The following EYA1 variants were observed in gnomAD, a reference collection of about 807,000 sequenced individuals.
The protein encoded by EYA1 is EYA transcriptional coactivator and phosphatase 1, also known as protein phosphatase EYA1.
In EYA1, 16 loss-of-function variants were observed where a neutral mutation model predicts 82.0. The observed-to-expected ratio is 0.20, with a 90% CI of 0.13 to 0.30. The LOEUF (loss-of-function observed/expected upper bound fraction) is 0.30. EYA1 is among the 10% of genes least tolerant of loss of function. The probability of loss-of-function intolerance (pLI) is 1.00; values close to 1 mark genes in which losing one functional copy is unlikely to be tolerated. For missense variants in EYA1, 633 were observed against 730.7 expected, an observed-to-expected ratio of 0.87 and a Z score of 1.54; for synonymous variants, 261 against 264.4, an observed-to-expected ratio of 0.99 and a Z score of 0.12.
chr8:71,326,015 T>A (rs1823105921), intron 4 of EYA1, among the ~76,000 whole-genome samples: 1 of 152,156 alleles, frequency 6.6e-6, no homozygotes, highest in South Asian at 2.1e-4. Context: ...AATTAAATGG[T>A]CCTTTTACCC....
chr8:71,337,251 A>G (rs1254120448), intron 3 of EYA1, among the ~76,000 whole-genome samples: 3 of 152,156 alleles, frequency 2.0e-5, no homozygotes, highest in African/African-American at 7.2e-5. Context: ...AATAACTAGG[A>G]TTAGTTTATC....
intron 11 of EYA1, among the ~76,000 whole-genome samples, chr8:71,260,715 T>C (rs1814992944): frequency 6.6e-6 from 1 of 152,204 alleles, no homozygotes; most frequent in Admixed American, 6.5e-5. Flanking sequence ...TAATCCTACA[T>C]GGGCAGCTAA....
intron 2 of EYA1, among the ~76,000 whole-genome samples, chr8:71,443,253 T>G (rs188512550): frequency 3.9e-5 from 6 of 152,288 alleles, no homozygotes; most frequent in African/African-American, 1.4e-4. Context: ...AAAAAATCTA[T>G]GGCAGAGACA....
At chr8:71,433,766 G>A (rs998782966) in intron 2 of EYA1, among the ~76,000 whole-genome samples, 7 of 152,184 alleles carry the variant, frequency 4.6e-5, no homozygotes, top group Admixed American at 2.0e-4. Context: ...TGCTGAGGTC[G>A]CAGGGGCCAG....
intron 2 of EYA1, among the ~76,000 whole-genome samples, chr8:71,443,077 G>GA (rs1206857498): frequency 6.6e-6 from 1 of 152,038 alleles, no homozygotes; most frequent in African/African-American, 2.4e-5. Flanking sequence ...AACACACAGA[G>GA]AAAAAACAAC....
At chr8:71,267,283 C>T (rs1235484132) in intron 11 of EYA1, among the ~76,000 whole-genome samples, 2 of 152,182 alleles carry the variant, frequency 1.3e-5, no homozygotes, top group Non-Finnish European at 2.9e-5. Context: ...TCACTGGCCT[C>T]TGTCCATCAA....
intron 2 of EYA1, among the ~76,000 whole-genome samples, chr8:71,518,871 T>C (rs185164641): frequency 6.6e-6 from 1 of 152,276 alleles, no homozygotes; most frequent in East Asian, 1.9e-4. Flanking sequence ...AAACCTAAGT[T>C]CATAAAATCA....
chr8:71,460,411 G>A (rs1808274726), intron 2 of EYA1, among the ~76,000 whole-genome samples: 7 of 152,200 alleles, frequency 4.6e-5, no homozygotes, highest in Admixed American at 4.6e-4. Context: ...CTATAAAGGA[G>A]AAGAGAGCAC....
In EYA1 at chr8:71,477,187, T is replaced by A. The variant is rs76618592; in HGVS notation, c.33+58557A>T. On this transcript the variant is annotated intron_variant, in intron 2 of 18. Transcript: ENST00000643681. ...CAGCCAAAGATTTCTTTAGATACAA[T>A]ACCAAAAATACAAGCAATAACAGAA... Among the ~76,000 whole-genome samples, 1,401 of 152,080 alleles carry A rather than the reference T, an allele frequency of 9.2e-3. 27 individuals carry two copies. The highest frequency in any genetic ancestry group is 0.032 in the African/African-American group (1,335 of 41,514).
intron 2 of EYA1, among the ~76,000 whole-genome samples, chr8:71,460,666 C>CA (rs1563636904): frequency 6.6e-6 from 1 of 152,178 alleles, no homozygotes. Context: ...TGAAGTGTTT[C>CA]AAAAAGTGCA....
chr8:71,493,789 C>T (rs1187194730), intron 2 of EYA1, among the ~76,000 whole-genome samples: 6 of 150,570 alleles, frequency 4.0e-5, no homozygotes, highest in Non-Finnish European at 7.4e-5. Context: ...TTTGGGAGGC[C>T]GAGGCGGGCG....
intron 2 of EYA1, among the ~76,000 whole-genome samples, chr8:71,528,637 T>G (rs1813997535): frequency 1.3e-5 from 2 of 152,154 alleles, no homozygotes; most frequent in Non-Finnish European, 2.9e-5. Context: ...GTCCATTACA[T>G]CAGAATTAAC....
chr8:71,473,699 G>C (rs1809417300), intron 2 of EYA1, among the ~76,000 whole-genome samples: 2 of 152,084 alleles, frequency 1.3e-5, no homozygotes, highest in Non-Finnish European at 2.9e-5. Flanking sequence ...CCCATTACTG[G>C]GCATATACCC....
At chr8:71,367,046 A>G (rs1469930894), upstream of EYA1, among the ~76,000 whole-genome samples, 1 of 152,222 alleles carries the variant, frequency 6.6e-6, no homozygotes, top group African/African-American at 2.4e-5. Flanking sequence ...AGTACATTAA[A>G]TGGTCAATAG....
At chr8:71,473,908 A>G (rs1452855535) in intron 2 of EYA1, among the ~76,000 whole-genome samples, 1 of 152,148 alleles carries the variant, frequency 6.6e-6, no homozygotes, top group Non-Finnish European at 1.5e-5. Context: ...AGGGACTTGG[A>G]TGAAGCTGGA....
At chr8:71,296,872 G>A (rs1272628536) in intron 9 of EYA1, among the ~76,000 whole-genome samples, 1 of 152,044 alleles carries the variant, frequency 6.6e-6, no homozygotes, top group Non-Finnish European at 1.5e-5. Flanking sequence ...AACTTAGCCT[G>A]AATCTGCGGT....
intron 2 of EYA1, among the ~76,000 whole-genome samples, chr8:71,496,924 A>G (rs1811458682): frequency 6.6e-6 from 1 of 152,180 alleles, no homozygotes. Flanking sequence ...AAAAAAAAAA[A>G]AAGGAAGAGT....
chr8:71,302,269 A>G (rs897297980), intron 7 of EYA1, among the ~76,000 whole-genome samples: 4 of 152,200 alleles, frequency 2.6e-5, no homozygotes, highest in Non-Finnish European at 4.4e-5. Context: ...AAGAAAATGA[A>G]TAAGATATAG....
intron 2 of EYA1, among the ~76,000 whole-genome samples, chr8:71,504,954 ACCACACTTGGCT>A (rs1812081096): frequency 6.6e-6 from 1 of 152,102 alleles, no homozygotes; most frequent in East Asian, 1.9e-4. Context: ...GGTGTGCGCC[ACCACACTTGGCT>A]AATCTGTATT....
Sources: allele counts gnomAD v4.1 joint callset (sites outside exome capture counted in the v4.1 genomes callset), GRCh38; gene constraint gnomAD v4.1.1; transcripts MANE v1.5; gene names NCBI Gene and HGNC (gene_info 2026-07-23, HGNC 2026-07-21).